Variants in CD34 observed in about 807,000 individuals in gnomAD.
CD34 encodes CD34 molecule.
A neutral mutation model predicts 40.1 loss-of-function variants in CD34; 34 were observed. The ratio of observed to expected loss-of-function variants is 0.85; its 90% confidence interval spans 0.65 to 1.13. The LOEUF (loss-of-function observed/expected upper bound fraction) is 1.13. Ranked by LOEUF, CD34 falls within the 50% of genes most tolerant of loss-of-function variation. CD34 has a pLI of 0.00. For missense variants in CD34, 426 were observed against 466.9 expected (o/e 0.91, Z 0.81); for synonymous variants, 209 against 190.0 (o/e 1.10, Z -0.82).
At chr1:207,901,575 G>A (rs1379418686) in intron 1 of CD34, among the ~76,000 whole-genome samples, 1 of 152,244 alleles carries the variant, frequency 6.6e-6, no homozygotes, top group Non-Finnish European at 1.5e-5. Context: ...CTGGGGCCAG[G>A]AGCCATCTCT....
chr1:207,905,374 G>A (rs550770958), intron 1 of CD34, among the ~76,000 whole-genome samples: 7 of 152,346 alleles, frequency 4.6e-5, no homozygotes, highest in African/African-American at 1.7e-4. Flanking sequence ...GACCTCAGGT[G>A]ATCTGCCTGC....
At chr1:207,897,920 C>T (rs1351345854) in intron 3 of CD34, among the ~76,000 whole-genome samples, 2 of 152,182 alleles carry the variant, frequency 1.3e-5, no homozygotes, top group African/African-American at 4.8e-5. Context: ...CAATCACAAA[C>T]TTGCAGGAAG....
intron 2 of CD34, 46 bp from the exon 3 acceptor site, chr1:207,899,272 A>G (rs777644382): frequency 1.3e-6 from 2 of 1,599,246 alleles, no homozygotes; most frequent in South Asian, 1.1e-5. Flanking sequence ...ATGTGCTCAT[A>G]GATACACAAA....
intron 3 of CD34, among the ~76,000 whole-genome samples, chr1:207,898,234 G>A (rs150155544): frequency 0.015 from 2,310 of 151,892 alleles, 27 homozygotes; most frequent in Admixed American, 0.027. Flanking sequence ...TGGTAGAGAC[G>A]GGGTTTCACC....
chr1:207,911,007 A>G lies in CD34; in HGVS notation c.74T>C (p.Leu25Ser), dbSNP rs1265877178. 4.4e-6 allele frequency: 7 copies of G among 1,588,248 alleles called. No homozygotes were observed. In the African/African-American group the frequency reaches 9.4e-5, roughly 21 times the overall value. Reference sequence around the variant, plus strand: ...GGCGCGCGGGCGGTACTCACGCAGCAAACTCAGCAAGCAAAGCGCGGTCCA... The same window carrying G: ...GGCGCGCGGGCGGTACTCACGCAGCGAACTCAGCAAGCAAAGCGCGGTCCA... Reference protein sequence around the residue: ...RGWTALCLLSLLPSGFMSLDN... With the variant: ...RGWTALCLLSSLPSGFMSLDN... The change falls in exon 1 of 8, where the codon TTG becomes TCG. Residue 25 changes from leucine to serine, a missense_variant. Coordinates refer to ENST00000310833, the MANE Select transcript of CD34 (RefSeq NM_001025109.2).
In CD34 at chr1:207,899,000, T is replaced by C; in HGVS notation, c.489A>G (p.Ser163=). The stretch of plus-strand genomic sequence containing the variant: ...TGATGTCACTTAGGATAGGAGAAGA[T>C]GATGTATAGGGTTTAGTGGGAGATG... ...LATSPTKPYT[S]SSPILSDIKA... The change falls in exon 3 of 8, where the codon TCA becomes TCG. Residue 163 remains serine, a synonymous_variant. Coordinates refer to ENST00000310833, the MANE Select transcript of CD34 (RefSeq NM_001025109.2). 6 of 1,614,140 alleles carry C rather than the reference T, an allele frequency of 3.7e-6. No homozygotes were observed. Among genetic ancestry groups the C allele is most frequent in the Non-Finnish European group, 5.1e-6 (6 of 1,180,002 alleles).
intron 1 of CD34, among the ~76,000 whole-genome samples, chr1:207,902,028 A>G (rs928646811): frequency 6.6e-6 from 1 of 152,214 alleles, no homozygotes; most frequent in African/African-American, 2.4e-5. Context: ...ACCTGGGGCC[A>G]AGAACGGTTT....
intron 4 of CD34, 137 bp downstream of exon 4, chr1:207,897,356 A>G: frequency 1.6e-6 from 1 of 626,592 alleles, no homozygotes; most frequent in Non-Finnish European, 2.9e-6. Context: ...CTCAGTATTA[A>G]AGGCAGGCTG....
rs58259152 is a variant in CD34, at chr1:207,881,659, C to CAAAAAAAAA, written c.*6070_*6078dup. The CAAAAAAAAA allele has an allele frequency of 1.4e-5, 1 of 69,034 alleles. No homozygotes were observed. The highest frequency in any genetic ancestry group is 1.6e-4 in the Admixed American group (1 of 6,208). 4.3% of individuals were successfully genotyped at this position (69,034 alleles called of 1,614,324 possible). ...TGGGTGACAGAGCGAGACTCCGTCTCAAAAAAAAAAAAAAAAAAAAAGAAT... is the reference window on the plus strand; with the variant it reads ...TGGGTGACAGAGCGAGACTCCGTCTCAAAAAAAAAAAAAAAAAAAAAAAAAAAAAAGAAT... On this transcript the variant is annotated 3_prime_UTR_variant, in exon 8 of 8. Transcript: ENST00000310833.
intron 6 of CD34, 136 bp downstream of exon 6, chr1:207,889,025 G>T: frequency 1.2e-6 from 1 of 864,392 alleles, no homozygotes; most frequent in Non-Finnish European, 1.9e-6. Context: ...CACCATTTTT[G>T]GTTCAAGACT....
At chr1:207,898,015 ATTCCCATTT>A (rs1662185679) in intron 3 of CD34, among the ~76,000 whole-genome samples, 2 of 149,254 alleles carry the variant, frequency 1.3e-5, no homozygotes, top group African/African-American at 5.0e-5. Context: ...GACTCTCCAA[ATTCCCATTT>A]TGGCTCTTTT....
Position 207,899,957 on chromosome 1 carries a change from C to T in CD34, c.126G>A (p.Glu42=), listed in dbSNP as rs766205855. ...SLDNNGTATP[E]LPTQGTFSNV... is the part of the protein sequence containing the mutation. ...TTGAAAATGTTCCCTGGGTAGGTAA[C>T]TCTGGGGTAGCAGTACCGTTGTTGT... Residue 42 remains glutamate (E), a synonymous_variant, in exon 2 of 8, where the codon GAG becomes GAA. Transcript: ENST00000310833. 2.5e-6 allele frequency: 4 copies of T among 1,613,654 alleles called. No homozygotes were observed. The highest frequency in any genetic ancestry group is 1.1e-5 in the South Asian group (1 of 91,040).
At chr1:207,910,900 C>A in intron 1 of CD34, 102 bp downstream of exon 1, 2 of 1,206,498 alleles carry the variant, frequency 1.7e-6, no homozygotes, top group Non-Finnish European at 2.3e-6. Flanking sequence ...GGGCAGGGGT[C>A]CCTTCCCTCC....
chr1:207,911,038 G>C lies in CD34; in HGVS notation c.43C>G (p.Arg15Gly). Residue 15 changes from arginine (R) to glycine (G), a missense_variant, in exon 1 of 8, where the codon CGG (arginine) becomes GGG (glycine). Arg to Gly is a moderately radical substitution (Grantham distance 125). Coordinates refer to ENST00000310833, the MANE Select transcript of CD34 (RefSeq NM_001025109.2). ...AGCAAGCAAAGCGCGGTCCAGCCCC[G>C]CGGCATCCTGGGCCCTGCGCGCGCG... ...RGARAGPRMPRGWTALCLLSL... is the reference protein window; with the variant it reads ...RGARAGPRMPGGWTALCLLSL... 6.3e-7 allele frequency: 1 copy of C among 1,593,722 alleles called. No individual in the cohort carries two copies. Among genetic ancestry groups the C allele is most frequent in the South Asian group, 1.1e-5 (1 of 88,700 alleles).
intron 4 of CD34, among the ~76,000 whole-genome samples, chr1:207,897,237 G>C (rs1377987571): frequency 6.6e-6 from 1 of 151,660 alleles, no homozygotes; most frequent in Non-Finnish European, 1.5e-5. Context: ...ATAGAGGAGG[G>C]GGAAAAAGTA....
intron 1 of CD34, among the ~76,000 whole-genome samples, chr1:207,907,398 A>G (rs1352531394): frequency 6.6e-6 from 1 of 151,980 alleles, no homozygotes; most frequent in Non-Finnish European, 1.5e-5. Context: ...ACTTCATTTT[A>G]TCATGCTCAG....
intron 1 of CD34, among the ~76,000 whole-genome samples, chr1:207,908,362 G>A (rs776814069): frequency 5.3e-5 from 8 of 152,244 alleles, no homozygotes; most frequent in Non-Finnish European, 8.8e-5. Context: ...CTACAAGTGC[G>A]GAGCACTGGG....
chr1:207,909,583 A>G (rs868746104), intron 1 of CD34, among the ~76,000 whole-genome samples: 50 of 151,720 alleles, frequency 3.3e-4, no homozygotes, highest in African/African-American at 1.2e-3. Flanking sequence ...TAATTTTTGT[A>G]ATTTTAGTAG....
chr1:207,906,872 T>TAAAA lies in CD34; in HGVS notation c.79+4126_79+4129dup, dbSNP rs540318651. Among the ~76,000 whole-genome samples, 335 of 151,712 alleles carry TAAAA rather than the reference T, an allele frequency of 2.2e-3. 2 individuals carry two copies. The highest frequency in any genetic ancestry group is 7.8e-3 in the African/African-American group (321 of 41,312). ...ATAAATAAATAAATAAATAAATAAA[T>TAAAA]AAAATAGCATGTCTTGGACCCCATC... On this transcript the variant is annotated intron_variant, in intron 1 of 7. Transcript: ENST00000310833.
Sources: allele counts gnomAD v4.1 joint callset (sites outside exome capture counted in the v4.1 genomes callset), GRCh38; gene constraint gnomAD v4.1.1; transcripts MANE v1.5; gene names NCBI Gene and HGNC (gene_info 2026-07-23, HGNC 2026-07-21).